MTUS2: variants seen among roughly 807,000 people sequenced by gnomAD.
MTUS2 encodes microtubule-associated tumor suppressor candidate 2.
In MTUS2, 40 loss-of-function variants were observed where a neutral mutation model predicts 114.1. That is an observed-to-expected ratio of 0.35 (90% CI 0.27 to 0.46). The LOEUF is 0.46. Ranked by LOEUF, MTUS2 falls within the 20% of genes least tolerant of loss-of-function variation. The pLI is 1.00. For missense variants in MTUS2, 1,679 were observed against 1,705.4 expected (o/e 0.98, Z 0.27); for synonymous variants, 688 against 672.0 (o/e 1.02, Z -0.37).
intron 2 of MTUS2, among the ~76,000 whole-genome samples, chr13:28,980,407 A>G (rs974434031): frequency 6.6e-6 from 1 of 152,192 alleles, no homozygotes; most frequent in African/African-American, 2.4e-5. Context: ...ACAGGCCAAC[A>G]TGCTAGTTTC....
chr13:29,497,480 T>C (rs1882628651), intron 13 of MTUS2, 144 bp downstream of exon 13: 1 of 671,434 alleles, frequency 1.5e-6, no homozygotes, highest in Admixed American at 2.5e-5. Context: ...CTCCCCTGGA[T>C]TTTTAAACAA....
chr13:29,384,950 A>G (rs1385801765), intron 8 of MTUS2, among the ~76,000 whole-genome samples: 1 of 152,202 alleles, frequency 6.6e-6, no homozygotes, highest in African/African-American at 2.4e-5. Context: ...GGACTGCTAT[A>G]TCAGTTTTTA....
intron 9 of MTUS2, among the ~76,000 whole-genome samples, chr13:29,477,627 G>A (rs1437792717): frequency 6.6e-6 from 1 of 152,176 alleles, no homozygotes; most frequent in Non-Finnish European, 1.5e-5. Flanking sequence ...CAAAGTCTCT[G>A]ACCAAGTCTG....
At chr13:29,498,614 G>C in intron 14 of MTUS2, 77 bp downstream of exon 14, 1 of 1,580,408 alleles carries the variant, frequency 6.3e-7, no homozygotes, top group Non-Finnish European at 8.6e-7. Flanking sequence ...CGTTGATGGT[G>C]TTCAGCCAGG....
intron 5 of MTUS2, among the ~76,000 whole-genome samples, chr13:29,108,094 G>C (rs141509084): frequency 6.6e-6 from 1 of 152,080 alleles, no homozygotes; most frequent in African/African-American, 2.4e-5. Flanking sequence ...GATTTTCTAC[G>C]TCTGACATGC....
At chr13:28,881,167 A>G (rs1375434950) in intron 2 of MTUS2, among the ~76,000 whole-genome samples, 1 of 152,024 alleles carries the variant, frequency 6.6e-6, no homozygotes, top group Non-Finnish European at 1.5e-5. Context: ...TATCGTTGCC[A>G]TTGTTATGTC....
chr13:29,359,127 A>AAATGTCATTT, intron 7 of MTUS2, 135 bp from the exon 8 acceptor site: 1 of 851,886 alleles, frequency 1.2e-6, no homozygotes, highest in African/African-American at 1.7e-5. Context: ...TTTCTTTTCA[A>AAATGTCATTT]TCCTTAAAAA....
intron 6 of MTUS2, among the ~76,000 whole-genome samples, chr13:29,318,215 GC>G (rs2139662026): frequency 6.7e-6 from 1 of 149,208 alleles, no homozygotes; most frequent in African/African-American, 2.4e-5. Flanking sequence ...GGAATTTGCA[GC>G]CTATTGTATG....
At chr13:29,498,898 C>T (rs1206383764) in intron 14 of MTUS2, among the ~76,000 whole-genome samples, 1 of 152,194 alleles carries the variant, frequency 6.6e-6, no homozygotes, top group Non-Finnish European at 1.5e-5. Context: ...CGAGCCTGCG[C>T]CTAACTCCTA....
chr13:29,361,373 A>G (rs1276382776), intron 8 of MTUS2, among the ~76,000 whole-genome samples: 2 of 152,202 alleles, frequency 1.3e-5, no homozygotes, highest in Admixed American at 1.3e-4. Context: ...CACCTCCCAC[A>G]CAATGTATTT....
intron 13 of MTUS2, 111 bp downstream of exon 13, chr13:29,497,447 C>A: frequency 1.1e-6 from 1 of 895,402 alleles, no homozygotes; most frequent in Non-Finnish European, 1.8e-6. Flanking sequence ...GAATCCGCTG[C>A]TGAAGTGACA....
intron 2 of MTUS2, among the ~76,000 whole-genome samples, chr13:28,858,083 G>GA (rs1463854925): frequency 6.6e-6 from 1 of 152,140 alleles, no homozygotes; most frequent in African/African-American, 2.4e-5. Context: ...AAATGAGAAG[G>GA]AAAAAGCCCT....
intron 2 of MTUS2, among the ~76,000 whole-genome samples, chr13:28,858,251 T>C (rs1294490221): frequency 6.6e-6 from 1 of 152,134 alleles, no homozygotes; most frequent in African/African-American, 2.4e-5. Context: ...CATCAGATTT[T>C]TAGTTTATGT....
At chr13:29,347,372 C>A (rs1265177206) in intron 7 of MTUS2, among the ~76,000 whole-genome samples, 1 of 151,868 alleles carries the variant, frequency 6.6e-6, no homozygotes, top group Non-Finnish European at 1.5e-5. Flanking sequence ...TCATTGAGTT[C>A]AAAATATTTT....
intron 5 of MTUS2, among the ~76,000 whole-genome samples, chr13:29,118,617 C>CT: frequency 6.6e-6 from 1 of 152,296 alleles, no homozygotes; most frequent in Non-Finnish European, 1.5e-5. Flanking sequence ...AGTCTGTTAG[C>CT]AGTGTGTAGG....
At position 29,430,504 on chromosome 13, in the gene MTUS2, T is replaced by C. The variant is rs1281999338; in HGVS notation, c.3118-9479T>C. ...AACTTCCAGTTCTATACAAATTATT[T>C]TTTACTGATGAAAACTTTAAAACTT... On this transcript the variant is annotated intron_variant, in intron 8 of 15. Transcript: ENST00000612955. 2.0e-5 allele frequency among the ~76,000 whole-genome samples: 3 copies of C among 152,202 alleles called. No homozygotes were observed. The East Asian group carries it at 5.8e-4, about 29-fold the overall frequency.
intron 5 of MTUS2, among the ~76,000 whole-genome samples, chr13:29,249,117 A>G (rs2139424078): frequency 6.6e-6 from 1 of 152,210 alleles, no homozygotes; most frequent in African/African-American, 2.4e-5. Flanking sequence ...CTTCCCAAGT[A>G]GCTGGGACTA....
intron 5 of MTUS2, among the ~76,000 whole-genome samples, chr13:29,230,366 G>C (rs1202809698): frequency 6.6e-6 from 1 of 152,238 alleles, no homozygotes; most frequent in Non-Finnish European, 1.5e-5. Context: ...TTGTGAGACT[G>C]CTTGGAGCTC....
At chr13:29,439,106 T>A (rs1477126003) in intron 8 of MTUS2, among the ~76,000 whole-genome samples, 1 of 152,214 alleles carries the variant, frequency 6.6e-6, no homozygotes, top group Non-Finnish European at 1.5e-5. Flanking sequence ...TCACTTTGCT[T>A]CGAGAGTCCA....
Sources: allele counts gnomAD v4.1 joint callset (sites outside exome capture counted in the v4.1 genomes callset), GRCh38; gene constraint gnomAD v4.1.1; transcripts MANE v1.5; gene names NCBI Gene and HGNC (gene_info 2026-07-23, HGNC 2026-07-21).